Variants in CACNA1D observed in about 807,000 individuals in gnomAD.
CACNA1D encodes voltage-dependent L-type calcium channel subunit alpha-1D.
In CACNA1D, 55 loss-of-function variants were observed where a neutral mutation model predicts 257.1. The observed-to-expected ratio is 0.21, with a 90% confidence interval of 0.17 to 0.27. The LOEUF (loss-of-function observed/expected upper bound fraction) is 0.27, where lower values mean the gene tolerates loss of function less well. Among genes scored for constraint, CACNA1D ranks in the 10% least tolerant of loss-of-function variants. The pLI is 1.00. For missense variants in CACNA1D, 1,876 were observed against 2,784.0 expected (o/e 0.67, Z 7.34); for synonymous variants, 980 against 1,014.9 (o/e 0.97, Z 0.65).
At chr3:53,642,711 C>T (rs1451280099) in intron 3 of CACNA1D, among the ~76,000 whole-genome samples, 2 of 152,258 alleles carry the variant, frequency 1.3e-5, no homozygotes, top group African/African-American at 4.8e-5. Flanking sequence ...GGTCACCCTG[C>T]TGGCCACCTC....
chr3:53,736,672 G>A (rs995597880), intron 20 of CACNA1D, among the ~76,000 whole-genome samples: 6 of 151,932 alleles, frequency 3.9e-5, no homozygotes, highest in Admixed American at 3.9e-4. Flanking sequence ...CAGTAGAATC[G>A]CTTGAGCCCA....
At chr3:53,503,384 C>A (rs1031123152) in intron 3 of CACNA1D, among the ~76,000 whole-genome samples, 5 of 152,186 alleles carry the variant, frequency 3.3e-5, no homozygotes, top group African/African-American at 1.2e-4. Flanking sequence ...GAAAGCCTCC[C>A]ATCAATGGAG....
intron 3 of CACNA1D, among the ~76,000 whole-genome samples, chr3:53,624,117 A>C (rs2093729885): frequency 6.6e-6 from 1 of 152,152 alleles, no homozygotes. Flanking sequence ...TTTGGACAAA[A>C]ATGCCAGATA....
Position 53,640,832 on chromosome 3 carries a change from G to A in CACNA1D, c.484-9947G>A, listed in dbSNP as rs185747279. ...CTGCCTCAGGGTGCCAGGAGAAAGA[G>A]TGCCGTCTGATGACCAGTGGGAATG... On this transcript the variant is annotated intron_variant, in intron 3 of 47. Coordinates refer to ENST00000350061, the MANE Select transcript of CACNA1D (RefSeq NM_001128840.3). 7.2e-4 allele frequency among the ~76,000 whole-genome samples: 110 copies of A among 152,330 alleles called. No individual in the cohort carries two copies. The Middle Eastern group carries it at 0.01, about 14-fold the overall frequency.
At chr3:53,647,992 C>T (rs532015842) in intron 3 of CACNA1D, among the ~76,000 whole-genome samples, 38 of 152,276 alleles carry the variant, frequency 2.5e-4, no homozygotes, top group African/African-American at 4.3e-4. Flanking sequence ...GGAAAAAGAA[C>T]GTTAAACAGT....
intron 3 of CACNA1D, among the ~76,000 whole-genome samples, chr3:53,649,436 G>A (rs971008408): frequency 2.6e-5 from 4 of 152,180 alleles, no homozygotes; most frequent in Non-Finnish European, 5.9e-5. Context: ...TGATGGGAGG[G>A]CTGAAGATAG....
At chr3:53,592,158 T>C (rs1279164005) in intron 3 of CACNA1D, among the ~76,000 whole-genome samples, 1 of 151,610 alleles carries the variant, frequency 6.6e-6, no homozygotes, top group African/African-American at 2.4e-5. Context: ...GGAAGAGAGG[T>C]GATAAAGGAA....
intron 34 of CACNA1D, 29 bp from the exon 35 acceptor site, chr3:53,775,857 A>G (rs1576630610): frequency 6.2e-7 from 1 of 1,611,646 alleles, no homozygotes; most frequent in East Asian, 2.2e-5. Context: ...TTCCCCCACT[A>G]AAGCCCCTTT....
At chr3:53,613,009 T>C (rs568436551) in intron 3 of CACNA1D, among the ~76,000 whole-genome samples, 1 of 152,200 alleles carries the variant, frequency 6.6e-6, no homozygotes, top group Admixed American at 6.5e-5. Flanking sequence ...GGCCGAAAAA[T>C]GCAGTTCTGT....
chr3:53,810,359 T>C, intron 47 of CACNA1D, 61 bp downstream of exon 47: 1 of 1,530,290 alleles, frequency 6.5e-7, no homozygotes, highest in Non-Finnish European at 9.1e-7. Context: ...GGTGCAACTG[T>C]AACAGCAGGA....
At chr3:53,719,012 C>T (rs1337052092) in intron 10 of CACNA1D, among the ~76,000 whole-genome samples, 1 of 146,382 alleles carries the variant, frequency 6.8e-6, no homozygotes, top group Non-Finnish European at 1.5e-5. Context: ...ATGATTTGGG[C>T]TGTGGCAGCT....
intron 29 of CACNA1D, among the ~76,000 whole-genome samples, chr3:53,761,221 T>C (rs901849054): frequency 6.6e-6 from 1 of 152,132 alleles, no homozygotes; most frequent in African/African-American, 2.4e-5. Flanking sequence ...AAGCAAAAGC[T>C]GAGATGGAAG....
chr3:53,730,686 G>T, intron 16 of CACNA1D, 130 bp downstream of exon 16: 1 of 752,304 alleles, frequency 1.3e-6, no homozygotes. Flanking sequence ...GTGGATCATG[G>T]TTGACCATGC....
chr3:53,634,999 A>G (rs762181443), intron 3 of CACNA1D, among the ~76,000 whole-genome samples: 3 of 152,138 alleles, frequency 2.0e-5, no homozygotes, highest in Non-Finnish European at 4.4e-5. Flanking sequence ...CATTTAGTGG[A>G]TGAGGATACA....
chr3:53,702,764 C>T lies in CACNA1D; in HGVS notation c.1344C>T (p.Ile448=), dbSNP rs145203578. 2,162 of 1,614,168 alleles carry T rather than the reference C, an allele frequency of 1.3e-3. 3 individuals are homozygous for T. Among genetic ancestry groups the T allele is most frequent in the Middle Eastern group, 4.1e-3 (25 of 6,058 alleles). The change falls in exon 9 of 48, where the codon ATC becomes ATT. Residue 448 remains isoleucine (I), a synonymous_variant. Transcript: ENST00000350061. ...ATTGGATCACCCAAGCTGAGGACAT[C>T]GATCCGGAGAATGAGGAAGAAGGAG... ...YLDWITQAED[I]DPENEEEGGE...
chr3:53,624,186 C>T (rs975174321), intron 3 of CACNA1D, among the ~76,000 whole-genome samples: 14 of 152,264 alleles, frequency 9.2e-5, no homozygotes, highest in South Asian at 2.1e-4. Flanking sequence ...AGTTATAAAC[C>T]ACTGTAGAGA....
chr3:53,809,985 C>A lies in CACNA1D; in HGVS notation c.5879C>A (p.Ala1960Glu). Residue 1960 changes from alanine to glutamate, a missense_variant, in exon 47 of 48, where the codon GCA becomes GAA. Coordinates refer to ENST00000350061, the MANE Select transcript of CACNA1D (RefSeq NM_001128840.3). The part of the protein sequence containing the change: ...PLHLMQQQIM[A>E]VAGLDSSKAQ... ...AGTCCCCTCTTTCCTCAGATCATGG[C>A]AGTTGCCGGCCTAGATTCAAGTAAA... is the stretch of plus-strand genomic sequence containing the variant. 1 of 1,614,006 alleles carries A rather than the reference C, an allele frequency of 6.2e-7. No individual in the cohort carries two copies. The highest frequency in any genetic ancestry group is 8.5e-7 in the Non-Finnish European group (1 of 1,179,956).
intron 30 of CACNA1D, chr3:53,765,446 T>G (rs923877152): frequency 6.5e-6 from 1 of 152,704 alleles, no homozygotes; most frequent in Non-Finnish European, 1.5e-5. Flanking sequence ...TTGGTTTTAT[T>G]TTTAGAAAAT....
chr3:53,800,051 G>GT lies in CACNA1D; in HGVS notation c.4924-198_4924-197insT. 1 of 682,632 alleles carries GT rather than the reference G, an allele frequency of 1.5e-6. No homozygotes were observed. The highest frequency in any genetic ancestry group is 2.6e-6 in the Non-Finnish European group (1 of 377,684). 42.3% of individuals were successfully genotyped at this position (682,632 alleles called of 1,614,324 possible). A position where few individuals can be genotyped will look rare whatever the true frequency, so the allele number is the denominator to read the frequency against. ...TGCAGGCCTCAGGCATCCTACCTAG[G>GT]ACCTTCTTGACCCTCTGGATGCCTG... is the stretch of plus-strand genomic sequence containing the variant. On this transcript the variant is annotated intron_variant, in intron 40 of 47. Transcript: ENST00000350061. The surrounding 1 kb of genome is among the most constrained non-coding windows in gnomAD (Gnocchi z 4.3).
Sources: gnomAD v4.1 joint callset for allele counts (sites outside exome capture counted in the v4.1 genomes callset) on GRCh38, gnomAD v4.1.1 for gene constraint, Gnocchi (gnomAD v3.1) non-coding constraint, MANE v1.5 for transcripts, NCBI Gene and HGNC (gene_info 2026-07-23, HGNC 2026-07-21) for gene names.